The following TRAPPC9 variants were observed in gnomAD, a reference collection of about 807,000 sequenced individuals.
TRAPPC9 encodes IKK2 binding protein.
In TRAPPC9, 83 loss-of-function variants were observed where a neutral mutation model predicts 124.0. The observed-to-expected ratio is 0.67, with a 90% CI of 0.56 to 0.80. The LOEUF (loss-of-function observed/expected upper bound fraction) is 0.80. Ranked by LOEUF, TRAPPC9 falls within the 30% of genes least tolerant of loss-of-function variation. The pLI, the probability that TRAPPC9 is intolerant of heterozygous loss-of-function variation, is 0.00. For missense variants in TRAPPC9, 1,302 were observed against 1,508.3 expected, an observed-to-expected ratio of 0.86 and a Z score of 2.27; for synonymous variants, 638 against 617.5, an observed-to-expected ratio of 1.03 and a Z score of -0.49.
chr8:140,324,117 C>A (rs2066675093), intron 9 of TRAPPC9, among the ~76,000 whole-genome samples: 1 of 152,016 alleles, frequency 6.6e-6, no homozygotes, highest in Non-Finnish European at 1.5e-5. Context: ...CAGCTTAGAT[C>A]CCACTTACGA....
intron 19 of TRAPPC9, chr8:139,911,210 G>C (rs1034408312): frequency 6.6e-6 from 1 of 152,198 alleles, no homozygotes; most frequent in Non-Finnish European, 1.5e-5. Flanking sequence ...GGTTTCATAA[G>C]GGGGAGTTTC....
intron 17 of TRAPPC9, among the ~76,000 whole-genome samples, chr8:140,060,561 T>C (rs1842543092): frequency 6.6e-6 from 1 of 151,700 alleles, no homozygotes; most frequent in African/African-American, 2.4e-5. Flanking sequence ...TCCTTATCCG[T>C]CCCAACCCAG....
chr8:140,337,687 G>T (rs1563956132), intron 9 of TRAPPC9, among the ~76,000 whole-genome samples: 1 of 152,220 alleles, frequency 6.6e-6, no homozygotes, highest in East Asian at 1.9e-4. Flanking sequence ...ACCAAAATGG[G>T]CTGCCTAGGT....
At chr8:139,736,959 C>T (rs930655355) in intron 21 of TRAPPC9, among the ~76,000 whole-genome samples, 2 of 152,186 alleles carry the variant, frequency 1.3e-5, no homozygotes, top group Non-Finnish European at 2.9e-5. Flanking sequence ...CCAGGGCCAC[C>T]GTCCATTACA....
At chr8:140,044,947 G>C (rs1031844735) in intron 17 of TRAPPC9, among the ~76,000 whole-genome samples, 2 of 152,142 alleles carry the variant, frequency 1.3e-5, no homozygotes, top group Non-Finnish European at 2.9e-5. Flanking sequence ...TTAAGCCAAA[G>C]GTAAACTAGG....
intron 20 of TRAPPC9, among the ~76,000 whole-genome samples, chr8:139,893,820 G>A (rs148919455): frequency 1.6e-4 from 24 of 152,344 alleles, no homozygotes; most frequent in Non-Finnish European, 2.8e-4. Flanking sequence ...TGAGGGGACC[G>A]AGCCTCGGGA....
chr8:140,390,260 C>T (rs4736179), intron 7 of TRAPPC9, among the ~76,000 whole-genome samples: 63,108 of 151,782 alleles, frequency 0.42, 13,343 homozygotes, highest in East Asian at 0.55. Context: ...AGAGGAGATC[C>T]GGCCACTGCA....
chr8:139,788,534 G>A lies in TRAPPC9; in HGVS notation c.3056-56332C>T, dbSNP rs1822431770. On this transcript the variant is annotated intron_variant, in intron 21 of 22. Transcript: ENST00000438773. The surrounding 1 kb of genome is among the most constrained non-coding windows in gnomAD (Gnocchi z 4.9). ...CGGGCGGCCCATGGTCCTGGGGCAT[G>A]GCAGCTGCTCAGGCAGTGCCAGCAG... 6.6e-6 allele frequency among the ~76,000 whole-genome samples: 1 copy of A among 152,192 alleles called. No individual in the cohort carries two copies. Among genetic ancestry groups the A allele is most frequent in the Non-Finnish European group, 1.5e-5 (1 of 68,028 alleles).
chr8:140,009,399 G>T (rs1183724388), intron 18 of TRAPPC9, among the ~76,000 whole-genome samples: 4 of 152,078 alleles, frequency 2.6e-5, no homozygotes, highest in African/African-American at 9.7e-5. Context: ...TGATTTAAAT[G>T]ATCTAAATAA....
At chr8:139,942,030 T>G (rs1254575142) in intron 19 of TRAPPC9, among the ~76,000 whole-genome samples, 1 of 152,236 alleles carries the variant, frequency 6.6e-6, no homozygotes, top group Non-Finnish European at 1.5e-5. Flanking sequence ...CTCCCTCCAC[T>G]AAGTCACCTA....
intron 9 of TRAPPC9, among the ~76,000 whole-genome samples, chr8:140,313,494 G>C (rs1019385731): frequency 6.6e-6 from 1 of 152,202 alleles, no homozygotes; most frequent in Non-Finnish European, 1.5e-5. Flanking sequence ...TGGTCTGGCT[G>C]TGCCATTTCA....
At position 140,068,112 on chromosome 8, in the gene TRAPPC9, T is replaced by C. The variant is rs888582952; in HGVS notation, c.2557-44033A>G. Among the ~76,000 whole-genome samples, 7 of 152,132 alleles carry C rather than the reference T, an allele frequency of 4.6e-5. No homozygotes were observed. In the East Asian group the frequency reaches 1.2e-3, roughly 25 times the overall value. ...TCGTGTGGGAATTGTCAGTCTCCTG[T>C]GTCTGAGCTCCTTACAAGCAAGGAT... is the stretch of plus-strand genomic sequence containing the variant. On this transcript the variant is annotated intron_variant, in intron 17 of 22. Transcript: ENST00000438773.
At chr8:139,902,321 T>C (rs771922589) in intron 20 of TRAPPC9, among the ~76,000 whole-genome samples, 23 of 152,148 alleles carry the variant, frequency 1.5e-4, no homozygotes, top group Non-Finnish European at 2.9e-4. Context: ...ATCAAATCTG[T>C]GCCTCTCCCA....
intron 21 of TRAPPC9, among the ~76,000 whole-genome samples, chr8:139,748,886 G>A (rs1819133471): frequency 6.6e-6 from 1 of 152,090 alleles, no homozygotes; most frequent in African/African-American, 2.4e-5. Context: ...GCCTGTATGG[G>A]GTCTCCACCA....
chr8:140,083,401 G>A (rs1025184013), intron 17 of TRAPPC9, among the ~76,000 whole-genome samples: 1 of 152,066 alleles, frequency 6.6e-6, no homozygotes, highest in Non-Finnish European at 1.5e-5. Context: ...TTACACTGAC[G>A]AACATTGAGT....
intron 17 of TRAPPC9, among the ~76,000 whole-genome samples, chr8:140,083,584 C>T (rs1175157656): frequency 6.6e-6 from 1 of 152,170 alleles, no homozygotes; most frequent in East Asian, 1.9e-4. Flanking sequence ...CCTAACCTCG[C>T]TGCCCTTCCA....
At chr8:140,183,950 AGG>A (rs2062283901) in intron 17 of TRAPPC9, among the ~76,000 whole-genome samples, 1 of 23,578 alleles carries the variant, frequency 4.2e-5, no homozygotes, top group African/African-American at 1.3e-4. Flanking sequence ...AGGAGAGGAG[AGG>A]GGAGGGGAGG....
At chr8:140,307,801 G>A (rs555040324) in intron 10 of TRAPPC9, among the ~76,000 whole-genome samples, 1 of 152,292 alleles carries the variant, frequency 6.6e-6, no homozygotes, top group Non-Finnish European at 1.5e-5. Flanking sequence ...GACCTGCCCT[G>A]TCTCCCTTCT....
At chr8:140,249,395 G>A (rs2064071314) in intron 16 of TRAPPC9, among the ~76,000 whole-genome samples, 1 of 152,136 alleles carries the variant, frequency 6.6e-6, no homozygotes, top group African/African-American at 2.4e-5. Context: ...CTTCCAGGGT[G>A]TATATGTACC....
Sources: gnomAD v4.1 joint callset for allele counts (sites outside exome capture counted in the v4.1 genomes callset) on GRCh38, gnomAD v4.1.1 for gene constraint, Gnocchi (gnomAD v3.1) non-coding constraint, MANE v1.5 for transcripts, NCBI Gene and HGNC (gene_info 2026-07-23, HGNC 2026-07-21) for gene names.